The following MAML3 variants were observed in gnomAD, a reference collection of about 807,000 sequenced individuals.
MAML3 encodes the protein mastermind-like protein 3.
Under a neutral mutation model 101.9 loss-of-function variants are expected in MAML3, and 27 were observed. The ratio of observed to expected loss-of-function variants is 0.27; its 90% CI spans 0.20 to 0.37. The LOEUF (loss-of-function observed/expected upper bound fraction) is 0.37. Among genes scored for constraint, MAML3 ranks in the 10% least tolerant of loss-of-function variants. The probability of loss-of-function intolerance (pLI) is 1.00; values close to 1 mark genes in which losing one functional copy is unlikely to be tolerated. For missense variants in MAML3, 1,316 were observed against 1,444.9 expected, an observed-to-expected ratio of 0.91 and a Z score of 1.45; for synonymous variants, 501 against 555.9, an observed-to-expected ratio of 0.90 and a Z score of 1.39.
chr4:139,920,864 T>G (rs1295197412), intron 1 of MAML3, among the ~76,000 whole-genome samples: 1 of 152,166 alleles, frequency 6.6e-6, no homozygotes, highest in African/African-American at 2.4e-5. Flanking sequence ...CAGGGGGATT[T>G]AATCTCTGGG....
rs1731236444 is a variant in MAML3 at position 139,835,166 on chromosome 4, AG to A, written c.2079+54190del. Among the ~76,000 whole-genome samples the A allele has an allele frequency of 5.3e-5, 8 of 152,266 alleles. No individual in the cohort carries two copies. In the South Asian group the frequency reaches 1.7e-3, roughly 31 times the overall value. ...TAAAGTAAATGTTTTCACTAAGAGC[AG>A]GGGCTGAAGAGAGGTGACCCCTTCA... On this transcript the variant is annotated intron_variant, in intron 2 of 4. Coordinates refer to ENST00000509479, the MANE Select transcript of MAML3 (RefSeq NM_018717.5).
chr4:139,771,149 G>A (rs1729971117), intron 2 of MAML3, among the ~76,000 whole-genome samples: 1 of 152,336 alleles, frequency 6.6e-6, no homozygotes, highest in South Asian at 2.1e-4. Context: ...TAAAATGGCA[G>A]TGATGTATTA....
At chr4:140,151,389 G>C (rs1186007737) in intron 1 of MAML3, among the ~76,000 whole-genome samples, 1 of 152,060 alleles carries the variant, frequency 6.6e-6, no homozygotes, top group Non-Finnish European at 1.5e-5. Context: ...CGGGGTGGGG[G>C]GACGTGGGGA....
At chr4:139,909,836 CAA>C (rs11379402) in intron 1 of MAML3, among the ~76,000 whole-genome samples, 1,159 of 58,628 alleles carry the variant, frequency 0.02, 11 homozygotes, top group African/African-American at 0.07. Flanking sequence ...GATGCCGTCT[CAA>C]AAAAAAAAAA....
intron 1 of MAML3, among the ~76,000 whole-genome samples, chr4:140,144,790 T>C (rs1321136191): frequency 6.6e-6 from 1 of 152,140 alleles, no homozygotes. Flanking sequence ...ATATAGTCTG[T>C]TTACCCACAC....
At chr4:139,954,718 C>T (rs1184518200) in intron 1 of MAML3, among the ~76,000 whole-genome samples, 1 of 152,164 alleles carries the variant, frequency 6.6e-6, no homozygotes, top group Non-Finnish European at 1.5e-5. Context: ...TGGGGTCTCA[C>T]TACATTGCCC....
chr4:139,724,912 C>T lies in MAML3; in HGVS notation c.2416+839G>A, dbSNP rs1429123175. ...TAACTGAGATTACAGGTATGCATCACCACTCCTGGCTAATTTTTTGCATTT... is the reference window on the plus strand; with the variant it reads ...TAACTGAGATTACAGGTATGCATCATCACTCCTGGCTAATTTTTTGCATTT... On this transcript the variant is annotated intron_variant, in intron 4 of 4. Coordinates refer to ENST00000509479, the MANE Select transcript of MAML3 (RefSeq NM_018717.5). Among the ~76,000 whole-genome samples, 3 of 152,130 alleles carry T rather than the reference C, an allele frequency of 2.0e-5. No individual in the cohort carries two copies. The East Asian group carries it at 5.8e-4, about 29-fold the overall frequency.
At chr4:139,933,210 A>G (rs1733436678) in intron 1 of MAML3, among the ~76,000 whole-genome samples, 1 of 152,212 alleles carries the variant, frequency 6.6e-6, no homozygotes, top group African/African-American at 2.4e-5. Context: ...ACGCATAGCC[A>G]CACATGTAAG....
intron 1 of MAML3, among the ~76,000 whole-genome samples, chr4:140,087,487 T>C (rs901577118): frequency 3.9e-5 from 6 of 152,268 alleles, no homozygotes; most frequent in Non-Finnish European, 7.3e-5. Context: ...GTTTCTACGC[T>C]ACGAACAATA....
chr4:139,875,492 G>A (rs1732096710), intron 2 of MAML3, among the ~76,000 whole-genome samples: 1 of 152,108 alleles, frequency 6.6e-6, no homozygotes, highest in East Asian at 1.9e-4. Flanking sequence ...TTCTCCAGCT[G>A]CACACCTTTC....
intron 2 of MAML3, among the ~76,000 whole-genome samples, chr4:139,850,031 T>C (rs967676785): frequency 1.3e-5 from 2 of 152,332 alleles, no homozygotes; most frequent in South Asian, 2.1e-4. Flanking sequence ...ACTGGTATTG[T>C]CAACCAACTT....
intron 1 of MAML3, among the ~76,000 whole-genome samples, chr4:139,978,911 CACTTTCAAA>C (rs1734395515): frequency 6.7e-6 from 1 of 149,886 alleles, no homozygotes; most frequent in Non-Finnish European, 1.5e-5. Context: ...ATCCTCCTTT[CACTTTCAAA>C]GAGCTCTATG....
intron 2 of MAML3, among the ~76,000 whole-genome samples, chr4:139,865,103 T>C (rs1731872574): frequency 6.6e-6 from 1 of 152,094 alleles, no homozygotes. Flanking sequence ...TTGGGCAAAA[T>C]TTAAAATATC....
At chr4:140,124,778 C>T (rs1370814023) in intron 1 of MAML3, among the ~76,000 whole-genome samples, 1 of 152,162 alleles carries the variant, frequency 6.6e-6, no homozygotes, top group Non-Finnish European at 1.5e-5. Context: ...ATGGATTACA[C>T]CTTGTTATTA....
chr4:140,152,313 G>GC (rs1729187562), intron 1 of MAML3, among the ~76,000 whole-genome samples: 1 of 152,222 alleles, frequency 6.6e-6, no homozygotes, highest in South Asian at 2.1e-4. Flanking sequence ...GGGAGAGGAG[G>GC]CGAGAGGCTC....
chr4:140,101,850 ATTTT>A (rs199963434), intron 1 of MAML3, among the ~76,000 whole-genome samples: 1 of 140,854 alleles, frequency 7.1e-6, no homozygotes, highest in Non-Finnish European at 1.6e-5. Context: ...TCAGCTGAGC[ATTTT>A]TTTTTTTTTT....
intron 2 of MAML3, among the ~76,000 whole-genome samples, chr4:139,843,612 T>G (rs746948828): frequency 6.6e-6 from 1 of 152,346 alleles, no homozygotes; most frequent in East Asian, 1.9e-4. Flanking sequence ...GCTAGAAAAT[T>G]TATAGGATTA....
At chr4:139,954,070 G>A (rs1733875521) in intron 1 of MAML3, among the ~76,000 whole-genome samples, 1 of 152,244 alleles carries the variant, frequency 6.6e-6, no homozygotes, top group Non-Finnish European at 1.5e-5. Flanking sequence ...AGTGTCAGTT[G>A]ACTCTTGTGC....
chr4:139,746,087 A>G (rs1729310818), intron 2 of MAML3, among the ~76,000 whole-genome samples: 1 of 152,244 alleles, frequency 6.6e-6, no homozygotes, highest in African/African-American at 2.4e-5. Flanking sequence ...CTTCATAACA[A>G]ATGTGATAAC....
Sources: allele counts gnomAD v4.1 joint callset (sites outside exome capture counted in the v4.1 genomes callset), GRCh38; gene constraint gnomAD v4.1.1; transcripts MANE v1.5; gene names NCBI Gene and HGNC (gene_info 2026-07-23, HGNC 2026-07-21).